The following FILIP1L variants were observed in gnomAD, a reference collection of about 807,000 sequenced individuals.
The protein encoded by FILIP1L is filamin A interacting protein 1 like, also known as filamin A-interacting protein 1-like.
In FILIP1L, 55 loss-of-function variants were observed where a neutral mutation model predicts 96.6. That is an observed-to-expected ratio of 0.57 (90% CI 0.46 to 0.71). The LOEUF (loss-of-function observed/expected upper bound fraction) is 0.71. FILIP1L is among the 30% of genes least tolerant of loss of function. The pLI is 0.00. For synonymous variants in FILIP1L, 467 were observed against 473.9 expected, an observed-to-expected ratio of 0.99 and a Z score of 0.19; for missense variants, 1,304 against 1,321.2, an observed-to-expected ratio of 0.99 and a Z score of 0.20.
intron 1 of FILIP1L, among the ~76,000 whole-genome samples, chr3:100,107,128 T>TA (rs962713699): frequency 2.2e-4 from 33 of 151,702 alleles, no homozygotes; most frequent in Admixed American, 7.2e-4. Flanking sequence ...TCCATACAGT[T>TA]AAAAAAAAAT....
chr3:99,970,915 A>T (rs550521693), intron 1 of FILIP1L, among the ~76,000 whole-genome samples: 1 of 152,364 alleles, frequency 6.6e-6, no homozygotes, highest in Admixed American at 6.5e-5. Flanking sequence ...AAGATGGGTT[A>T]GGAAGCTGTT....
At chr3:100,021,954 T>TGAGAGA (rs1177315745) in intron 1 of FILIP1L, among the ~76,000 whole-genome samples, 1 of 114,348 alleles carries the variant, frequency 8.7e-6, no homozygotes, top group African/African-American at 3.3e-5. Flanking sequence ...TGTGTGTGTG[T>TGAGAGA]GTGTGTGAGA....
intron 1 of FILIP1L, among the ~76,000 whole-genome samples, chr3:100,045,191 C>T (rs1412190717): frequency 6.6e-6 from 1 of 152,200 alleles, no homozygotes; most frequent in African/African-American, 2.4e-5. Flanking sequence ...CTCTCGAAGC[C>T]TTAGTTGTTG....
intron 1 of FILIP1L, among the ~76,000 whole-genome samples, chr3:100,042,582 T>TTAC: frequency 6.6e-6 from 1 of 152,244 alleles, no homozygotes; most frequent in South Asian, 2.1e-4. Context: ...CATGTATGGT[T>TTAC]CAGACATTGT....
intron 4 of FILIP1L, among the ~76,000 whole-genome samples, chr3:99,893,198 C>T (rs1030721034): frequency 7.2e-6 from 1 of 138,840 alleles, no homozygotes; most frequent in African/African-American, 2.7e-5. Context: ...TAGAGTCTCA[C>T]TCTGTTGCCC....
chr3:100,109,225 A>T (rs2066445700), intron 1 of FILIP1L, among the ~76,000 whole-genome samples: 1 of 152,134 alleles, frequency 6.6e-6, no homozygotes, highest in South Asian at 2.1e-4. Context: ...ATCCTAAAAA[A>T]AAATTTTTCA....
chr3:100,027,698 G>A (rs1386478547), intron 1 of FILIP1L, among the ~76,000 whole-genome samples: 2 of 152,176 alleles, frequency 1.3e-5, no homozygotes, highest in African/African-American at 4.8e-5. Flanking sequence ...AGCCTCCTGA[G>A]TGAACTTTCA....
intron 1 of FILIP1L, among the ~76,000 whole-genome samples, chr3:99,992,295 TAA>T (rs1158816761): frequency 6.6e-6 from 1 of 152,056 alleles, no homozygotes; most frequent in African/African-American, 2.4e-5. Flanking sequence ...CAACAGTATA[TAA>T]GTGTTTCCTT....
chr3:99,970,876 C>G (rs528896491), intron 1 of FILIP1L, among the ~76,000 whole-genome samples: 4 of 152,130 alleles, frequency 2.6e-5, no homozygotes, highest in African/African-American at 9.6e-5. Flanking sequence ...GGTGTGGATG[C>G]AATTAAAGGG....
intron 1 of FILIP1L, among the ~76,000 whole-genome samples, chr3:100,074,133 T>C (rs1173731453): frequency 1.3e-5 from 2 of 152,026 alleles, no homozygotes; most frequent in Non-Finnish European, 2.9e-5. Flanking sequence ...TGCTGTAACC[T>C]CAAAAAGAGC....
intron 5 of FILIP1L, chr3:99,847,895 AG>A (rs1943440091): frequency 2.1e-6 from 2 of 965,438 alleles, no homozygotes; most frequent in Non-Finnish European, 2.5e-6. Flanking sequence ...AATATAACAC[AG>A]AATGACCAAA....
At chr3:100,065,391 G>A (rs1262211867) in intron 1 of FILIP1L, among the ~76,000 whole-genome samples, 1 of 152,174 alleles carries the variant, frequency 6.6e-6, no homozygotes, top group Non-Finnish European at 1.5e-5. Context: ...TGGAGAGTCA[G>A]AGGAATAAAG....
chr3:99,861,926 T>C (rs540091209), intron 4 of FILIP1L, among the ~76,000 whole-genome samples: 2 of 152,268 alleles, frequency 1.3e-5, no homozygotes, highest in Non-Finnish European at 2.9e-5. Context: ...ATCTGTAGAA[T>C]GGGGATAATA....
intron 3 of FILIP1L, among the ~76,000 whole-genome samples, chr3:99,929,253 C>T (rs1707393483): frequency 6.6e-6 from 1 of 152,164 alleles, no homozygotes; most frequent in Non-Finnish European, 1.5e-5. Context: ...TTGGGACTGC[C>T]CACCTTTGCC....
intron 1 of FILIP1L, among the ~76,000 whole-genome samples, chr3:99,991,986 A>G (rs1003381972): frequency 6.7e-6 from 1 of 149,848 alleles, no homozygotes; most frequent in Non-Finnish European, 1.5e-5. Flanking sequence ...ATATATGTGT[A>G]TATATACGTA....
chr3:99,835,593 G>A (rs1363213243), intron 5 of FILIP1L, among the ~76,000 whole-genome samples: 1 of 152,122 alleles, frequency 6.6e-6, no homozygotes, highest in African/African-American at 2.4e-5. Context: ...CCCTGCAGTG[G>A]GAATTAATAG....
chr3:99,946,734 A>T (rs561866307), intron 1 of FILIP1L, among the ~76,000 whole-genome samples: 1 of 152,314 alleles, frequency 6.6e-6, no homozygotes, highest in African/African-American at 2.4e-5. Context: ...TGGAGGCCTG[A>T]ATCCACAGTA....
chr3:99,944,227 T>C (rs766059103), intron 1 of FILIP1L, among the ~76,000 whole-genome samples: 22 of 152,138 alleles, frequency 1.4e-4, no homozygotes, highest in Non-Finnish European at 3.1e-4. Context: ...GAGATGGAGA[T>C]TGGCAAGCTG....
At chr3:99,908,581 T>G (rs190984452) in intron 4 of FILIP1L, among the ~76,000 whole-genome samples, 1 of 152,258 alleles carries the variant, frequency 6.6e-6, no homozygotes, top group African/African-American at 2.4e-5. Context: ...GAGGCCTAAT[T>G]CTCCTCTCCA....
Sources: allele counts gnomAD v4.1 joint callset (sites outside exome capture counted in the v4.1 genomes callset), GRCh38; gene constraint gnomAD v4.1.1; transcripts MANE v1.5; gene names NCBI Gene and HGNC (gene_info 2026-07-23, HGNC 2026-07-21).